The following TAB2 variants were observed in gnomAD, a reference collection of about 807,000 sequenced individuals.
TAB2 encodes TGF-beta activated kinase 1 (MAP3K7) binding protein 2, also known as TGF-beta-activated kinase 1 and MAP3K7-binding protein 2.
In TAB2, 3 loss-of-function variants were observed where a neutral mutation model predicts 65.0. The ratio of observed to expected loss-of-function variants is 0.05; its 90% CI spans 0.02 to 0.12. The LOEUF (loss-of-function observed/expected upper bound fraction) is 0.12, where lower values mean the gene tolerates loss of function less well. Ranked by LOEUF, TAB2 falls within the 10% of genes least tolerant of loss-of-function variation. The pLI, the probability that TAB2 is intolerant of heterozygous loss-of-function variation, is 1.00. For missense variants in TAB2, 623 were observed against 840.3 expected (o/e 0.74, Z 3.20); for synonymous variants, 298 against 285.1 (o/e 1.05, Z -0.46).
At chr6:149,409,437 G>T in intron 6 of TAB2, 140 bp from the exon 7 acceptor site, 1 of 718,694 alleles carries the variant, frequency 1.4e-6, no homozygotes. Flanking sequence ...GATCGAGCAT[G>T]TGTGTCAGTG....
intron 1 of TAB2, among the ~76,000 whole-genome samples, chr6:149,218,996 T>C (rs1307628228): frequency 6.6e-6 from 1 of 152,234 alleles, no homozygotes; most frequent in Non-Finnish European, 1.5e-5. Context: ...GAAAGAGCTG[T>C]GTCCAGGAAA....
chr6:149,360,960 A>G (rs1583123529), intron 1 of TAB2, among the ~76,000 whole-genome samples: 1 of 152,196 alleles, frequency 6.6e-6, no homozygotes, highest in Admixed American at 6.5e-5. Flanking sequence ...CTTTGACTCC[A>G]TGTCCCGCAT....
chr6:149,347,984 G>A (rs961845256), intron 1 of TAB2, among the ~76,000 whole-genome samples: 1 of 152,248 alleles, frequency 6.6e-6, no homozygotes, highest in South Asian at 2.1e-4. Context: ...GCATCATCCA[G>A]CTATTCTGAC....
At chr6:149,385,857 T>C (rs1176412000) in intron 3 of TAB2, among the ~76,000 whole-genome samples, 1 of 152,158 alleles carries the variant, frequency 6.6e-6, no homozygotes, top group Non-Finnish European at 1.5e-5. Flanking sequence ...ATTATGAAAA[T>C]AACACACTCA....
chr6:149,314,334 T>C (rs1177320178), upstream of TAB2, among the ~76,000 whole-genome samples: 1 of 152,216 alleles, frequency 6.6e-6, no homozygotes, highest in East Asian at 1.9e-4. Context: ...ATAAACTTCC[T>C]AATGCCTAGA....
At chr6:149,400,652 T>G in intron 6 of TAB2, 1 of 1,614,222 alleles carries the variant, frequency 6.2e-7, no homozygotes, top group Non-Finnish European at 8.5e-7. Flanking sequence ...TTGATGTGTT[T>G]CAACAGCCTA....
chr6:149,327,556 T>C (rs1779656087), intron 1 of TAB2, among the ~76,000 whole-genome samples: 1 of 152,196 alleles, frequency 6.6e-6, no homozygotes, highest in South Asian at 2.1e-4. Flanking sequence ...TGCAGATGTA[T>C]GTAGGTGTCA....
intron 1 of TAB2, among the ~76,000 whole-genome samples, chr6:149,335,202 A>G (rs1369733637): frequency 2.0e-5 from 3 of 151,962 alleles, no homozygotes; most frequent in Non-Finnish European, 2.9e-5. Flanking sequence ...TTCCCCAGGG[A>G]AAAAGGTGAA....
chr6:149,381,204 A>C (rs567259179), intron 3 of TAB2, among the ~76,000 whole-genome samples: 1 of 152,220 alleles, frequency 6.6e-6, no homozygotes, highest in South Asian at 2.1e-4. Context: ...AGTGATTTCA[A>C]TTGCCCTAGA....
At position 149,242,165 on chromosome 6, in the gene TAB2, T is replaced by G. The variant is rs138176192; in HGVS notation, c.-121+23389T>G. Among the ~76,000 whole-genome samples the G allele has an allele frequency of 4.6e-5, 7 of 152,356 alleles. No individual in the cohort carries two copies. The East Asian group carries it at 1.4e-3, about 29-fold the overall frequency. On this transcript the variant is annotated intron_variant, in intron 1 of 1. Transcript: ENST00000606202. The stretch of plus-strand genomic sequence containing the variant: ...TGAAACAATGCTCTTGTAAAGAACA[T>G]GCCTAAACTAAGGGATCATTTTGAT...
chr6:149,259,823 A>C (rs1281572736), intron 1 of TAB2, among the ~76,000 whole-genome samples: 1 of 152,212 alleles, frequency 6.6e-6, no homozygotes, highest in East Asian at 1.9e-4. Context: ...CCTTCCACTC[A>C]TCAGTGTCAG....
intron 1 of TAB2, among the ~76,000 whole-genome samples, chr6:149,351,268 A>G (rs374908429): frequency 2.0e-5 from 3 of 152,278 alleles, no homozygotes; most frequent in East Asian, 3.9e-4. Flanking sequence ...TCCCGTATGC[A>G]TTGAAAAAGA....
intron 1 of TAB2, among the ~76,000 whole-genome samples, chr6:149,329,538 C>T (rs1779719850): frequency 6.6e-6 from 1 of 151,968 alleles, no homozygotes; most frequent in African/African-American, 2.4e-5. Flanking sequence ...ATAGAGAATG[C>T]TTGTCTTGAT....
intron 1 of TAB2, among the ~76,000 whole-genome samples, chr6:149,361,256 C>T (rs959204607): frequency 1.3e-5 from 2 of 152,206 alleles, no homozygotes; most frequent in African/African-American, 4.8e-5. Context: ...TGCCTGGCCA[C>T]CCAGACTTTC....
chr6:149,298,584 A>G (rs1041624848), intron 1 of TAB2, among the ~76,000 whole-genome samples: 1 of 152,182 alleles, frequency 6.6e-6, no homozygotes, highest in African/African-American at 2.4e-5. Context: ...TCACACCACA[A>G]TGACAGAGAG....
chr6:149,307,648 A>T lies in TAB2; in HGVS notation c.-120-70370A>T, dbSNP rs1779093409. Reference sequence around the variant, plus strand: ...TCCCTACTGACTTAGGACAGGAAAAAATATGAATGTGAAAACCTGAGTCCG... The same window carrying T: ...TCCCTACTGACTTAGGACAGGAAAATATATGAATGTGAAAACCTGAGTCCG... On this transcript the variant is annotated intron_variant, in intron 1 of 1. Coordinates refer to the TAB2 transcript ENST00000606202. Among the ~76,000 whole-genome samples, 3 of 138,986 alleles carry T rather than the reference A, an allele frequency of 2.2e-5. No individual in the cohort carries two copies. In the South Asian group the frequency reaches 6.8e-4, roughly 31 times the overall value. 91.2% of individuals were successfully genotyped at this position (138,986 alleles called of 152,430 possible).
At chr6:149,270,100 G>A (rs770159610) in intron 1 of TAB2, among the ~76,000 whole-genome samples, 8 of 152,208 alleles carry the variant, frequency 5.3e-5, no homozygotes, top group African/African-American at 9.6e-5. Flanking sequence ...TCTTGCTAAT[G>A]TTTGATAATG....
chr6:149,317,464 G>T, upstream of TAB2: 1 of 171,418 alleles, frequency 5.8e-6, no homozygotes, highest in South Asian at 1.2e-4. This position sits in a 1 kb window ranked among gnomAD's most constrained non-coding sequence, Gnocchi z 4.7. Flanking sequence ...GTTCGGCTAG[G>T]GGAGGCCTCG....
intron 1 of TAB2, among the ~76,000 whole-genome samples, chr6:149,340,772 T>C (rs1041617532): frequency 5.3e-5 from 8 of 152,186 alleles, no homozygotes; most frequent in Non-Finnish European, 7.4e-5. Flanking sequence ...TTTAGTATAT[T>C]TTGAATAAGA....
Sources: allele counts gnomAD v4.1 joint callset (sites outside exome capture counted in the v4.1 genomes callset), GRCh38; gene constraint gnomAD v4.1.1; non-coding constraint Gnocchi (gnomAD v3.1); transcripts MANE v1.5; gene names NCBI Gene and HGNC (gene_info 2026-07-23, HGNC 2026-07-21).